Variants in SHQ1 observed in about 807,000 individuals in gnomAD.
SHQ1 encodes SHQ1, H/ACA ribonucleoprotein assembly factor, also known as protein SHQ1 homolog.
Under a neutral mutation model 53.8 loss-of-function variants are expected in SHQ1, and 49 were observed. The observed-to-expected ratio is 0.91, with a 90% CI of 0.72 to 1.16. SHQ1 has a LOEUF of 1.16. Ranked by LOEUF, SHQ1 falls within the 50% of genes most tolerant of loss-of-function variation. The pLI, the probability that SHQ1 is intolerant of heterozygous loss-of-function variation, is 0.00. For synonymous variants in SHQ1, 243 were observed against 251.0 expected, an observed-to-expected ratio of 0.97 and a Z score of 0.30; for missense variants, 738 against 683.1, an observed-to-expected ratio of 1.08 and a Z score of -0.90.
chr3:72,775,813 G>A (rs1230971046), intron 10 of SHQ1, among the ~76,000 whole-genome samples: 3 of 152,072 alleles, frequency 2.0e-5, no homozygotes, highest in East Asian at 3.8e-4. Context: ...TCCCAAGGAT[G>A]AGGAAAAAAT....
intron 9 of SHQ1, among the ~76,000 whole-genome samples, chr3:72,812,271 C>T (rs1210078932): frequency 6.6e-6 from 1 of 152,220 alleles, no homozygotes; most frequent in Non-Finnish European, 1.5e-5. Context: ...ACTTACCCAT[C>T]ATCTGTCTGA....
chr3:72,785,739 T>A (rs748992696), intron 10 of SHQ1, among the ~76,000 whole-genome samples: 1 of 152,238 alleles, frequency 6.6e-6, no homozygotes, highest in Non-Finnish European at 1.5e-5. Context: ...CTCATCTGCA[T>A]GATGTTATTT....
chr3:72,832,466 C>T lies in SHQ1; in HGVS notation c.502G>A (p.Val168Ile), dbSNP rs753125572. 13 of 1,610,924 alleles carry T rather than the reference C, an allele frequency of 8.1e-6. No homozygotes were observed. The highest frequency in any genetic ancestry group is 1.9e-4 in the Middle Eastern group (1 of 5,302). Residue 168 changes from valine (V) to isoleucine (I), a missense_variant, in exon 5 of 11, where the codon GTT (valine) becomes ATT (isoleucine). Coordinates refer to ENST00000325599, the MANE Select transcript of SHQ1 (RefSeq NM_018130.3). ...AAATCTGGATCCTTAATATCAATAA[C>T]ATCACTCAGTTCATCCTGAGGACAC... ...LQRLQDELSD[V>I]IDIKDPDFTP... is the part of the protein sequence containing the mutation.
intron 9 of SHQ1, among the ~76,000 whole-genome samples, chr3:72,797,274 A>T (rs1208977621): frequency 6.6e-6 from 1 of 152,124 alleles, no homozygotes; most frequent in Admixed American, 6.5e-5. Flanking sequence ...AAATAAATAA[A>T]TAAAATAAAA....
chr3:72,840,430 C>T (rs1708143744), intron 4 of SHQ1, among the ~76,000 whole-genome samples: 1 of 151,752 alleles, frequency 6.6e-6, no homozygotes, highest in South Asian at 2.1e-4. Context: ...GTGGTAGGCA[C>T]CTGTAATCCC....
At chr3:72,844,845 C>G (rs951394508) in intron 1 of SHQ1, among the ~76,000 whole-genome samples, 9 of 152,286 alleles carry the variant, frequency 5.9e-5, no homozygotes, top group African/African-American at 2.2e-4. Flanking sequence ...GCAGTCAAAA[C>G]TTGGCTGCAT....
chr3:72,742,047 G>A, the SHQ1 span, among the ~76,000 whole-genome samples: 1 of 151,840 alleles, frequency 6.6e-6, no homozygotes. Context: ...ACCGAGGGAC[G>A]ACTGTATTGT....
intron 6 of SHQ1, among the ~76,000 whole-genome samples, chr3:72,818,452 G>A (rs1707380895): frequency 6.6e-6 from 1 of 152,200 alleles, no homozygotes; most frequent in South Asian, 2.1e-4. Context: ...ATCTGTTTTA[G>A]AAAGACACTT....
At chr3:72,788,784 C>G (rs1706338514) in intron 10 of SHQ1, among the ~76,000 whole-genome samples, 1 of 152,172 alleles carries the variant, frequency 6.6e-6, no homozygotes, top group African/African-American at 2.4e-5. Flanking sequence ...TTACCCCCAA[C>G]CCCGTGCTCT....
chr3:72,791,993 G>T (rs1182711363), intron 10 of SHQ1, among the ~76,000 whole-genome samples: 1 of 152,166 alleles, frequency 6.6e-6, no homozygotes, highest in Non-Finnish European at 1.5e-5. Flanking sequence ...ATGTTTCTTT[G>T]ATTGACGCAA....
Position 72,815,400 on chromosome 3 carries a change from C to G in SHQ1, c.886G>C (p.Glu296Gln). Reference sequence around the variant, plus strand: ...AGTTTCCTGATATTCCATGCAGATTCAACCTTTATTTGTTTTGGAGAAAAG... The same window carrying G: ...AGTTTCCTGATATTCCATGCAGATTGAACCTTTATTTGTTTTGGAGAAAAG... ...TRVTEGEKNV[E>Q]SAWNIRKLSP... The change falls in exon 8 of 11, where the codon GAA becomes CAA. Residue 296 changes from glutamate (E) to glutamine (Q), a missense_variant. Glu to Gln is a conservative substitution (Grantham distance 29, BLOSUM62 2). Coordinates refer to ENST00000325599, the MANE Select transcript of SHQ1 (RefSeq NM_018130.3). 1.9e-6 allele frequency: 3 copies of G among 1,612,864 alleles called. No homozygotes were observed. Among genetic ancestry groups the G allele is most frequent in the Non-Finnish European group, 2.5e-6 (3 of 1,179,278 alleles).
At chr3:72,729,351 T>G in the SHQ1 span, among the ~76,000 whole-genome samples, 1 of 152,196 alleles carries the variant, frequency 6.6e-6, no homozygotes, top group Non-Finnish European at 1.5e-5. Context: ...ATCGCCAATG[T>G]GACCTGTGAG....
the SHQ1 span, among the ~76,000 whole-genome samples, chr3:72,727,233 C>T: frequency 3.3e-5 from 5 of 152,078 alleles, no homozygotes; most frequent in African/African-American, 1.2e-4. Flanking sequence ...GGGTTTGAGG[C>T]TCCCCGTAGT....
At chr3:72,777,686 G>C (rs1705986055) in intron 10 of SHQ1, among the ~76,000 whole-genome samples, 1 of 152,162 alleles carries the variant, frequency 6.6e-6, no homozygotes, top group Non-Finnish European at 1.5e-5. Flanking sequence ...CCTAATCCCA[G>C]AAATTCCATT....
intron 9 of SHQ1, among the ~76,000 whole-genome samples, chr3:72,796,811 C>T (rs1706638932): frequency 6.6e-6 from 1 of 150,926 alleles, no homozygotes; most frequent in African/African-American, 2.4e-5. Flanking sequence ...CAGAGTGAGA[C>T]TCTGTCTCAA....
At chr3:72,799,313 T>G (rs879444917) in intron 9 of SHQ1, among the ~76,000 whole-genome samples, 1 of 152,188 alleles carries the variant, frequency 6.6e-6, no homozygotes, top group Non-Finnish European at 1.5e-5. Flanking sequence ...CTTAGTATAA[T>G]AGATACCTGG....
intron 10 of SHQ1, among the ~76,000 whole-genome samples, chr3:72,775,490 T>C (rs935194954): frequency 6.7e-6 from 1 of 148,370 alleles, no homozygotes; most frequent in Non-Finnish European, 1.5e-5. Flanking sequence ...TGAATGCTAC[T>C]GAAGGTTCAA....
rs562730166 is a variant in SHQ1, at chr3:72,788,499, A to AG, written c.1181+4416dup. On this transcript the variant is annotated intron_variant, in intron 10 of 10. Transcript: ENST00000325599. ...CCGGCAGCCGCCGCGTCCGGGAGGT[A>AG]GGGGGGGCGCCTCTGCCCTGCCGCC... 9.3e-3 allele frequency among the ~76,000 whole-genome samples: 1,373 copies of AG among 148,190 alleles called. 13 individuals carry two copies. Among genetic ancestry groups the AG allele is most frequent in the African/African-American group, 0.02 (815 of 39,980 alleles).
intron 4 of SHQ1, among the ~76,000 whole-genome samples, chr3:72,837,136 G>A (rs1042229676): frequency 1.1e-4 from 16 of 152,122 alleles, no homozygotes; most frequent in African/African-American, 3.6e-4. Flanking sequence ...AGCTTGTTGT[G>A]AAGTCCTGAC....
Sources: gnomAD v4.1 joint callset for allele counts (sites outside exome capture counted in the v4.1 genomes callset) on GRCh38, gnomAD v4.1.1 for gene constraint, MANE v1.5 for transcripts, NCBI Gene and HGNC (gene_info 2026-07-23, HGNC 2026-07-21) for gene names.